Variants in DGKI observed in about 807,000 individuals in gnomAD.
DGKI encodes diacylglycerol kinase iota.
In DGKI, 55 loss-of-function variants were observed where a neutral mutation model predicts 147.5. That is an observed-to-expected ratio of 0.37 (90% CI 0.30 to 0.47). DGKI has a LOEUF of 0.47. Ranked by LOEUF, DGKI falls within the 20% of genes least tolerant of loss-of-function variation. The pLI is 1.00. For synonymous variants in DGKI, 469 were observed against 477.1 expected, an observed-to-expected ratio of 0.98 and a Z score of 0.22; for missense variants, 1,007 against 1,323.8, an observed-to-expected ratio of 0.76 and a Z score of 3.71.
At chr7:137,437,310 T>C (rs1043861051) in intron 28 of DGKI, among the ~76,000 whole-genome samples, 13 of 152,150 alleles carry the variant, frequency 8.5e-5, no homozygotes, top group African/African-American at 3.1e-4. Flanking sequence ...GGAATATTGA[T>C]AAAGAAACAA....
chr7:137,513,642 T>A (rs1816652557), intron 21 of DGKI, among the ~76,000 whole-genome samples: 1 of 152,128 alleles, frequency 6.6e-6, no homozygotes, highest in Admixed American at 6.6e-5. Context: ...CAAACCTAGG[T>A]GGAATCACCT....
intron 1 of DGKI, among the ~76,000 whole-genome samples, chr7:137,693,637 C>T (rs1362248901): frequency 6.6e-6 from 1 of 152,140 alleles, no homozygotes; most frequent in African/African-American, 2.4e-5. Flanking sequence ...AATTACATTC[C>T]AGCCCTGGGG....
intron 7 of DGKI, 87 bp from the exon 8 acceptor site, chr7:137,620,027 A>ACG (rs904202106): frequency 2.9e-5 from 20 of 701,432 alleles, no homozygotes; most frequent in Admixed American, 8.7e-5. Context: ...ACGCACACAC[A>ACG]CACACACACA....
At chr7:137,673,297 G>A (rs1822918109) in intron 3 of DGKI, among the ~76,000 whole-genome samples, 1 of 152,102 alleles carries the variant, frequency 6.6e-6, no homozygotes, top group Non-Finnish European at 1.5e-5. Context: ...TGAGAACCAG[G>A]CCACGGTTTT....
chr7:137,603,252 C>G (rs1367792541), intron 10 of DGKI, among the ~76,000 whole-genome samples: 1 of 152,130 alleles, frequency 6.6e-6, no homozygotes, highest in Non-Finnish European at 1.5e-5. Flanking sequence ...GAGAAGCAAT[C>G]AAGAACGGGT....
intron 1 of DGKI, among the ~76,000 whole-genome samples, chr7:137,788,081 A>G (rs1360432055): frequency 6.6e-6 from 1 of 152,208 alleles, no homozygotes; most frequent in African/African-American, 2.4e-5. Flanking sequence ...TCACATCAAC[A>G]CTTAAAAATC....
chr7:137,536,977 G>A (rs1817541647), intron 20 of DGKI, among the ~76,000 whole-genome samples: 1 of 152,134 alleles, frequency 6.6e-6, no homozygotes, highest in Non-Finnish European at 1.5e-5. Flanking sequence ...GAGATAAAGT[G>A]TGGAAACTGG....
chr7:137,616,548 C>T (rs368332106), intron 8 of DGKI, among the ~76,000 whole-genome samples: 2 of 152,086 alleles, frequency 1.3e-5, no homozygotes, highest in African/African-American at 4.8e-5. Context: ...GATCCTGGGA[C>T]ATGGTATTGT....
rs369672790 is a variant in DGKI, at chr7:137,659,919, C to T, written c.607-3379G>A. Among the ~76,000 whole-genome samples, 30 of 152,180 alleles carry T rather than the reference C, an allele frequency of 2.0e-4. 1 individual carries two copies. In the South Asian group the frequency reaches 5.2e-3, roughly 26 times the overall value. On this transcript the variant is annotated intron_variant, in intron 3 of 32. Coordinates refer to ENST00000614521, the MANE Select transcript of DGKI (RefSeq NM_001321708.2). ...CTGCACTCCAGCCTGGGCGACAGAGCGAGACTCCATCTCAAAAAAGAAGCA... is the reference window on the plus strand; with the variant it reads ...CTGCACTCCAGCCTGGGCGACAGAGTGAGACTCCATCTCAAAAAAGAAGCA...
chr7:137,471,753 A>C (rs2128928937), intron 23 of DGKI, among the ~76,000 whole-genome samples: 1 of 151,814 alleles, frequency 6.6e-6, no homozygotes, highest in South Asian at 2.1e-4. Flanking sequence ...GATAGAGGAA[A>C]AAATGGTCTC....
chr7:137,674,628 T>C (rs543601724), intron 3 of DGKI, among the ~76,000 whole-genome samples: 3 of 152,180 alleles, frequency 2.0e-5, no homozygotes, highest in Non-Finnish European at 4.4e-5. Context: ...AACTCCATTC[T>C]TACTTCCATT....
At chr7:137,618,284 C>T (rs866800820) in intron 8 of DGKI, among the ~76,000 whole-genome samples, 1 of 147,134 alleles carries the variant, frequency 6.8e-6, no homozygotes, top group African/African-American at 2.5e-5. Flanking sequence ...GTTCATCTCC[C>T]ACACACCCTC....
At chr7:137,647,096 TAAGA>T (rs1400972455) in intron 5 of DGKI, among the ~76,000 whole-genome samples, 3 of 152,232 alleles carry the variant, frequency 2.0e-5, no homozygotes, top group East Asian at 1.9e-4. Context: ...TAGATTGTCC[TAAGA>T]AAGAAGCTAA....
chr7:137,644,745 C>T (rs1229049644), intron 6 of DGKI, among the ~76,000 whole-genome samples: 3 of 152,192 alleles, frequency 2.0e-5, no homozygotes, highest in Non-Finnish European at 4.4e-5. Context: ...ACTATACATA[C>T]TTATAGTGAT....
chr7:137,691,960 T>C (rs1445618796), intron 1 of DGKI, among the ~76,000 whole-genome samples: 1 of 152,176 alleles, frequency 6.6e-6, no homozygotes, highest in African/African-American at 2.4e-5. Context: ...TTGCTTTATA[T>C]AATCCCCGAA....
intron 21 of DGKI, among the ~76,000 whole-genome samples, chr7:137,517,303 GAA>G (rs1563063874): frequency 1.0e-5 from 1 of 97,554 alleles, no homozygotes; most frequent in African/African-American, 4.3e-5. Flanking sequence ...AAGAAAGAAA[GAA>G]AGAAAGAAAG....
At chr7:137,748,875 C>A (rs2116745911) in intron 1 of DGKI, among the ~76,000 whole-genome samples, 1 of 152,268 alleles carries the variant, frequency 6.6e-6, no homozygotes, top group East Asian at 1.9e-4. Flanking sequence ...TGGGATTATT[C>A]ATCTTTTTAT....
At chr7:137,498,038 G>C (rs1273416145) in intron 21 of DGKI, among the ~76,000 whole-genome samples, 2 of 151,744 alleles carry the variant, frequency 1.3e-5, no homozygotes, top group Non-Finnish European at 2.9e-5. Flanking sequence ...AGGGAGTTGA[G>C]AGAAAATGGA....
chr7:137,719,745 T>C (rs1195170851), intron 1 of DGKI, among the ~76,000 whole-genome samples: 1 of 152,226 alleles, frequency 6.6e-6, no homozygotes, highest in Non-Finnish European at 1.5e-5. Context: ...TACCTTTACT[T>C]TGTCATTTCT....
Sources: allele counts gnomAD v4.1 joint callset (sites outside exome capture counted in the v4.1 genomes callset), GRCh38; gene constraint gnomAD v4.1.1; transcripts MANE v1.5; gene names NCBI Gene and HGNC (gene_info 2026-07-23, HGNC 2026-07-21).